The following GFM1 variants were observed in gnomAD, a reference collection of about 807,000 sequenced individuals.
The protein encoded by GFM1 is elongation factor G, mitochondrial.
GFM1 carries 62 observed loss-of-function variants against 96.2 expected under a neutral mutation model. That is an observed-to-expected ratio of 0.64 (90% CI 0.53 to 0.80). The LOEUF (loss-of-function observed/expected upper bound fraction) is 0.80, where lower values mean the gene tolerates loss of function less well. Among genes scored for constraint, GFM1 ranks in the 30% least tolerant of loss-of-function variants. The probability of loss-of-function intolerance (pLI) is 0.00; values close to 1 mark genes in which losing one functional copy is unlikely to be tolerated. For missense variants in GFM1, 852 were observed against 916.6 expected, an observed-to-expected ratio of 0.93 and a Z score of 0.91; for synonymous variants, 282 against 312.9, an observed-to-expected ratio of 0.90 and a Z score of 1.04.
At chr3:158,671,143 G>T in intron 13 of GFM1, 1 of 1,235,652 alleles carries the variant, frequency 8.1e-7, no homozygotes, top group Non-Finnish European at 1.0e-6. Flanking sequence ...AAAGCCTTAG[G>T]TCTTGAAAAA....
chr3:158,654,461 C>A, intron 7 of GFM1, 86 bp from the exon 8 acceptor site: 2 of 861,680 alleles, frequency 2.3e-6, no homozygotes, highest in Non-Finnish European at 3.7e-6. Context: ...TGCTTTTTCT[C>A]AGATAATACT....
intron 13 of GFM1, among the ~76,000 whole-genome samples, chr3:158,675,086 A>C (rs916540836): frequency 1.3e-5 from 2 of 152,114 alleles, no homozygotes; most frequent in African/African-American, 4.8e-5. Context: ...CAAGAGTTCA[A>C]GACCAGCCTG....
At chr3:158,646,022 A>T in intron 2 of GFM1, 143 bp from the exon 3 acceptor site, 1 of 1,083,420 alleles carries the variant, frequency 9.2e-7, no homozygotes. Context: ...GGCTCAAATT[A>T]TCATCCTGCC....
At position 158,654,528 on chromosome 3, in the gene GFM1, A is replaced by G. The variant is rs749477867; in HGVS notation, c.999-19A>G. On this transcript the variant is annotated intron_variant, in intron 7 of 17. Transcript: ENST00000486715. ...ATCATATATTACATCTCATAGATTT[A>G]TATTTCTTTTATTTTAAGTGACTCA... The G allele has an allele frequency of 1.5e-6, 2 of 1,376,132 alleles. No individual in the cohort carries two copies. Among genetic ancestry groups the G allele is most frequent in the Admixed American group, 3.4e-5 (2 of 59,590 alleles). The allele number at this position is 1,376,132 out of a possible 1,614,324, so 85.2% of individuals were successfully genotyped here. A position where few individuals can be genotyped will look rare whatever the true frequency, so the allele number is the denominator to read the frequency against.
chr3:158,682,237 A>G, intron 14 of GFM1, 80 bp downstream of exon 14: 1 of 1,195,810 alleles, frequency 8.4e-7, no homozygotes, highest in Non-Finnish European at 1.2e-6. Flanking sequence ...TTTGTCTTCC[A>G]TCATGTTGTC....
chr3:158,677,467 G>A (rs372901289), intron 13 of GFM1, among the ~76,000 whole-genome samples: 7 of 152,202 alleles, frequency 4.6e-5, no homozygotes, highest in Admixed American at 1.3e-4. Context: ...TCCTAAGATC[G>A]TTGATGATGT....
At chr3:158,682,374 A>G (rs1028391330) in intron 14 of GFM1, 3 of 524,522 alleles carry the variant, frequency 5.7e-6, no homozygotes, top group East Asian at 3.2e-5. Context: ...GGAAATTATT[A>G]TGTTTCTGAA....
chr3:158,661,776 C>G (rs1458162413), intron 10 of GFM1, among the ~76,000 whole-genome samples: 1 of 152,004 alleles, frequency 6.6e-6, no homozygotes, highest in Non-Finnish European at 1.5e-5. Flanking sequence ...AAGTACTGAC[C>G]CAACTCTAAC....
At chr3:158,686,831 CA>C (rs1159637195) in intron 15 of GFM1, among the ~76,000 whole-genome samples, 1 of 136,216 alleles carries the variant, frequency 7.3e-6, no homozygotes, top group African/African-American at 2.8e-5. Flanking sequence ...CTCATGGTTT[CA>C]AGCAATTCTT....
chr3:158,666,431 C>CT lies in GFM1; in HGVS notation c.1601+50dup, dbSNP rs763710681. 96 of 1,515,982 alleles carry CT rather than the reference C, an allele frequency of 6.3e-5. No individual in the cohort carries two copies. In the Middle Eastern group the frequency reaches 2.9e-3, roughly 46 times the overall value. 93.9% of individuals were successfully genotyped at this position (1,515,982 alleles called of 1,614,324 possible). ...AAACATTATGAGGCTGAAATTGAAGCTTTTTATTTTGGATATACATACCAC... is the reference window on the plus strand; with the variant it reads ...AAACATTATGAGGCTGAAATTGAAGCTTTTTTATTTTGGATATACATACCAC... On this transcript the variant is annotated intron_variant, in intron 13 of 17. Coordinates refer to ENST00000486715, the MANE Select transcript of GFM1 (RefSeq NM_024996.7).
At chr3:158,677,035 A>G in intron 13 of GFM1, among the ~76,000 whole-genome samples, 1 of 151,976 alleles carries the variant, frequency 6.6e-6, no homozygotes, top group Admixed American at 6.6e-5. Context: ...TTCTAACTTC[A>G]CATCTCTGTG....
intron 5 of GFM1, chr3:158,649,958 C>T: frequency 6.9e-7 from 1 of 1,440,144 alleles, no homozygotes; most frequent in Non-Finnish European, 9.4e-7. Context: ...CATAAATGAT[C>T]CTTTGTTCTG....
intron 9 of GFM1, 120 bp from the exon 10 acceptor site, chr3:158,660,754 C>A: frequency 1.2e-6 from 1 of 807,008 alleles, no homozygotes; most frequent in East Asian, 2.5e-5. Flanking sequence ...AGAATTCAAG[C>A]AGAGAGATTC....
Position 158,691,561 on chromosome 3 carries a change from AAG to A in GFM1, c.*96_*97del. 5 of 1,434,654 alleles carry A rather than the reference AAG, an allele frequency of 3.5e-6. No homozygotes were observed. The South Asian group carries it at 5.8e-5, about 17-fold the overall frequency. The allele number at this position is 1,434,654 out of a possible 1,614,324, so 88.9% of individuals were successfully genotyped here. A position where few individuals can be genotyped will look rare whatever the true frequency, so the allele number is the denominator to read the frequency against. ...TGGAATAAATTCAGGCTGCTGAAAC[AAG>A]AAATTCTGAGCCCAGGAAGCGGGCT... On this transcript the variant is annotated 3_prime_UTR_variant, in exon 18 of 18. Coordinates refer to ENST00000486715, the MANE Select transcript of GFM1 (RefSeq NM_024996.7).
At chr3:158,653,199 A>G in intron 6 of GFM1, 111 bp from the exon 7 acceptor site, 1 of 831,758 alleles carries the variant, frequency 1.2e-6, no homozygotes, top group South Asian at 1.6e-5. Context: ...TATTAGAGTC[A>G]GCACTCCAAA....
chr3:158,646,753 C>G lies in GFM1; in HGVS notation c.378C>G (p.Asp126Glu). Reference sequence around the variant, plus strand: ...CTTCATCTTATTCAGGGCATGTGGACTTCACAATAGAAGTGGAAAGGGCCC... The same window carrying G: ...CTTCATCTTATTCAGGGCATGTGGAGTTCACAATAGAAGTGGAAAGGGCCC... ...INIIDTPGHV[D>E]FTIEVERALR... The change falls in exon 4 of 18, where the codon GAC becomes GAG. Residue 126 changes from aspartate to glutamate, a missense_variant. Transcript: ENST00000486715. 1 of 1,613,498 alleles carries G rather than the reference C, an allele frequency of 6.2e-7. No homozygotes were observed. Among genetic ancestry groups the G allele is most frequent in the Non-Finnish European group, 8.5e-7 (1 of 1,179,810 alleles).
At chr3:158,644,943 A>T in intron 1 of GFM1, 4 of 465,680 alleles carry the variant, frequency 8.6e-6, no homozygotes, top group South Asian at 3.7e-5. Flanking sequence ...AGTGTCTGTC[A>T]CTCAGATACT....
Position 158,652,146 on chromosome 3 carries a change from C to G in GFM1, c.740C>G (p.Thr247Ser). ...EIPAELRAAA[T>S]DHRQELIECV... The stretch of plus-strand genomic sequence containing the variant: ...CCAGCTGAATTAAGGGCGGCGGCCA[C>G]TGACCACCGGCAGGAGCTAATTGAA... The change falls in exon 6 of 18, where the codon ACT (threonine) becomes AGT (serine). Residue 247 changes from threonine to serine, a missense_variant. Physicochemically the swap from Thr to Ser is moderately conservative, Grantham distance 58. Transcript: ENST00000486715. 6.2e-7 allele frequency: 1 copy of G among 1,613,740 alleles called. No individual in the cohort carries two copies.
intron 14 of GFM1, 147 bp from the exon 15 acceptor site, chr3:158,684,377 T>C: frequency 1.3e-6 from 1 of 760,748 alleles, no homozygotes. Flanking sequence ...GTAAAGTTGT[T>C]AAACATTTTT....
Sources: gnomAD v4.1 joint callset for allele counts (sites outside exome capture counted in the v4.1 genomes callset) on GRCh38, gnomAD v4.1.1 for gene constraint, MANE v1.5 for transcripts, NCBI Gene and HGNC (gene_info 2026-07-23, HGNC 2026-07-21) for gene names.